The following TUSC3 variants were observed in gnomAD, a reference collection of about 807,000 sequenced individuals.
TUSC3 encodes tumor suppressor candidate 3, also known as dolichyl-diphosphooligosaccharide--protein glycosyltransferase subunit TUSC3.
TUSC3 carries 45 observed loss-of-function variants against 44.8 expected under a neutral mutation model. The observed-to-expected ratio is 1.00, with a 90% CI of 0.79 to 1.29. The LOEUF is 1.29. TUSC3 is among the 50% of genes most tolerant of loss of function. The pLI is 0.00. For missense variants in TUSC3, 519 were observed against 437.9 expected (o/e 1.19, Z -1.65); for synonymous variants, 212 against 152.9 (o/e 1.39, Z -2.85).
chr8:15,793,709 A>G, the TUSC3 span, among the ~76,000 whole-genome samples: 4 of 152,316 alleles, frequency 2.6e-5, no homozygotes, highest in Non-Finnish European at 4.4e-5. Flanking sequence ...TTATTAATGC[A>G]TAGCTTCTTT....
the TUSC3 span, among the ~76,000 whole-genome samples, chr8:15,810,724 A>G: frequency 6.6e-6 from 1 of 152,170 alleles, no homozygotes. Context: ...CGGCTGCCAC[A>G]TGGCCAGCAG....
intron 1 of TUSC3, among the ~76,000 whole-genome samples, chr8:15,582,212 A>G (rs1038194048): frequency 6.6e-6 from 1 of 152,136 alleles, no homozygotes; most frequent in Admixed American, 6.5e-5. Context: ...ACTGTCTGGC[A>G]CTCCCTAGTG....
rs182555245 is a variant in TUSC3, at chr8:15,601,863, C to T, written c.139-21217C>T. ...CAGTTTTTTATGGATATATTTGTAT[C>T]GTGTGTACATATTATATAAGAATAT... On this transcript the variant is annotated intron_variant, in intron 1 of 10. Coordinates refer to ENST00000503731, the MANE Select transcript of TUSC3 (RefSeq NM_006765.4). 5.3e-5 allele frequency among the ~76,000 whole-genome samples: 8 copies of T among 150,930 alleles called. No individual in the cohort carries two copies. The East Asian group carries it at 1.4e-3, about 26-fold the overall frequency.
intron 7 of TUSC3, among the ~76,000 whole-genome samples, chr8:15,735,645 A>T (rs576475771): frequency 1.6e-4 from 24 of 152,324 alleles, no homozygotes; most frequent in Admixed American, 7.8e-4. Context: ...TATTTGTTGT[A>T]AATATCTGAA....
chr8:15,726,644 A>G lies in TUSC3; in HGVS notation c.799-4022A>G, dbSNP rs1437128097. On this transcript the variant is annotated intron_variant, in intron 6 of 10. Coordinates refer to ENST00000503731, the MANE Select transcript of TUSC3 (RefSeq NM_006765.4). ...AACGTGGTGAAACCCTATCTCTACT[A>G]AAAATACAAAAATTAGCCAGGCATG... Among the ~76,000 whole-genome samples the G allele has an allele frequency of 2.6e-5, 4 of 152,008 alleles. No individual in the cohort carries two copies. In the East Asian group the frequency reaches 5.8e-4, roughly 22 times the overall value.
the TUSC3 span, among the ~76,000 whole-genome samples, chr8:15,816,673 G>C: frequency 6.6e-6 from 1 of 152,082 alleles, no homozygotes; most frequent in African/African-American, 2.4e-5. Context: ...CTACGTTTTT[G>C]TTTTTAGTAC....
At chr8:15,768,631 T>TA (rs1166174769), downstream of TUSC3, among the ~76,000 whole-genome samples, 1 of 152,018 alleles carries the variant, frequency 6.6e-6, no homozygotes, top group African/African-American at 2.4e-5. Flanking sequence ...ATAAAAAGGA[T>TA]AGGAACAGAG....
chr8:15,701,081 T>C (rs956241687), intron 6 of TUSC3, among the ~76,000 whole-genome samples: 1 of 152,074 alleles, frequency 6.6e-6, no homozygotes, highest in Admixed American at 6.6e-5. Context: ...ACATCCATCT[T>C]GTCTGGAATT....
At chr8:15,594,130 A>G (rs1349575724) in intron 1 of TUSC3, among the ~76,000 whole-genome samples, 1 of 152,168 alleles carries the variant, frequency 6.6e-6, no homozygotes, top group Non-Finnish European at 1.5e-5. Context: ...AAGTTGTCCC[A>G]TAGTTCGCTG....
intron 1 of TUSC3, among the ~76,000 whole-genome samples, chr8:15,439,421 G>A (rs560861185): frequency 6.6e-6 from 1 of 152,170 alleles, no homozygotes; most frequent in Admixed American, 6.5e-5. Flanking sequence ...GCTGAGTGTT[G>A]TAGGATGTTC....
intron 1 of TUSC3, among the ~76,000 whole-genome samples, chr8:15,454,071 A>T (rs1004972327): frequency 6.6e-6 from 1 of 152,176 alleles, no homozygotes; most frequent in African/African-American, 2.4e-5. Flanking sequence ...TAAATGCACT[A>T]TGCATGCTCC....
intron 1 of TUSC3, among the ~76,000 whole-genome samples, chr8:15,598,388 T>G (rs745322791): frequency 3.9e-5 from 6 of 152,106 alleles, no homozygotes; most frequent in South Asian, 4.1e-4. Flanking sequence ...CCTCCACACA[T>G]GCGTCATCTC....
chr8:15,761,396 G>A (rs1812163334), intron 10 of TUSC3, among the ~76,000 whole-genome samples: 1 of 152,136 alleles, frequency 6.6e-6, no homozygotes, highest in Non-Finnish European at 1.5e-5. Flanking sequence ...GAAAGGAATG[G>A]TTGCTTCTCT....
chr8:15,516,465 T>G (rs557258421), intron 2 of TUSC3, among the ~76,000 whole-genome samples: 1 of 152,328 alleles, frequency 6.6e-6, no homozygotes, highest in East Asian at 1.9e-4. Context: ...GATACATACA[T>G]AGGTTCTTGA....
chr8:15,721,710 CTG>C (rs1442988434), intron 6 of TUSC3, among the ~76,000 whole-genome samples: 4 of 152,022 alleles, frequency 2.6e-5, no homozygotes, highest in African/African-American at 4.8e-5. Context: ...AAAATGAAAT[CTG>C]TAAGTCTAGA....
the TUSC3 span, among the ~76,000 whole-genome samples, chr8:15,834,618 CT>C: frequency 6.6e-6 from 1 of 151,940 alleles, no homozygotes; most frequent in Non-Finnish European, 1.5e-5. Flanking sequence ...ATTGAATTTT[CT>C]TTTTTCTATG....
the TUSC3 span, among the ~76,000 whole-genome samples, chr8:15,847,749 C>A: frequency 1.3e-5 from 2 of 152,216 alleles, no homozygotes; most frequent in South Asian, 4.1e-4. Flanking sequence ...TCTCAATTTT[C>A]AATATATCTG....
chr8:15,507,667 A>G (rs891134917), intron 2 of TUSC3, among the ~76,000 whole-genome samples: 1 of 152,226 alleles, frequency 6.6e-6, no homozygotes, highest in African/African-American at 2.4e-5. Context: ...TATACAAAAT[A>G]CAAAATACAA....
intron 1 of TUSC3, among the ~76,000 whole-genome samples, chr8:15,542,486 C>T (rs1030556302): frequency 6.6e-6 from 1 of 151,818 alleles, no homozygotes. Context: ...TTGGGATATG[C>T]CCTCGGTGGA....
Sources: gnomAD v4.1 joint callset for allele counts (sites outside exome capture counted in the v4.1 genomes callset) on GRCh38, gnomAD v4.1.1 for gene constraint, MANE v1.5 for transcripts, NCBI Gene and HGNC (gene_info 2026-07-23, HGNC 2026-07-21) for gene names.